MPPED1: variants seen among roughly 807,000 people sequenced by gnomAD.
MPPED1 encodes the protein metallophosphoesterase domain containing 1, also known as metallophosphoesterase domain-containing protein 1.
In MPPED1, 16 loss-of-function variants were observed where a neutral mutation model predicts 36.2. The ratio of observed to expected loss-of-function variants is 0.44; its 90% confidence interval spans 0.30 to 0.67. The LOEUF is 0.67. MPPED1 is among the 30% of genes least tolerant of loss of function. The probability of loss-of-function intolerance (pLI) is 0.10; values close to 1 mark genes in which losing one functional copy is unlikely to be tolerated. For synonymous variants in MPPED1, 199 were observed against 191.3 expected (o/e 1.04, Z -0.33); for missense variants, 307 against 453.4 (o/e 0.68, Z 2.93).
At position 43,471,071 on chromosome 22, in the gene MPPED1, GAGA is replaced by G. The variant is rs761019771; in HGVS notation, c.407-3658_407-3656del. Among the ~76,000 whole-genome samples the G allele has an allele frequency of 1.9e-4, 29 of 152,380 alleles. 1 individual carries two copies. The highest frequency in any genetic ancestry group is 1.2e-3 in the South Asian group (6 of 4,832). Reference sequence around the variant, plus strand: ...AGCCTCAGTCATCAGCTGCTGAGGTGAGAAGAAGAGGGGAGAGCTGACAGCTTC... The same window carrying G: ...AGCCTCAGTCATCAGCTGCTGAGGTGAGAAGAGGGGAGAGCTGACAGCTTC... On this transcript the variant is annotated intron_variant, in intron 3 of 6. Coordinates refer to ENST00000443721, the MANE Select transcript of MPPED1 (RefSeq NM_001044370.2).
At chr22:43,440,479 A>G (rs1197631284) in intron 3 of MPPED1, among the ~76,000 whole-genome samples, 1 of 152,182 alleles carries the variant, frequency 6.6e-6, no homozygotes, top group Non-Finnish European at 1.5e-5. Context: ...CTACAGAGGC[A>G]GCCACTGACC....
At chr22:43,480,967 G>A (rs1295838235) in intron 4 of MPPED1, among the ~76,000 whole-genome samples, 1 of 151,984 alleles carries the variant, frequency 6.6e-6, no homozygotes, top group Non-Finnish European at 1.5e-5. Context: ...TGGATTACAG[G>A]TAGCTGCCAT....
chr22:43,467,827 C>T (rs1173986607), intron 3 of MPPED1, among the ~76,000 whole-genome samples: 1 of 151,770 alleles, frequency 6.6e-6, no homozygotes, highest in African/African-American at 2.4e-5. Context: ...GGGCTCAATA[C>T]TTTGCTCCGG....
At chr22:43,448,141 G>A (rs1293476904) in intron 3 of MPPED1, among the ~76,000 whole-genome samples, 1 of 151,878 alleles carries the variant, frequency 6.6e-6, no homozygotes, top group Non-Finnish European at 1.5e-5. Flanking sequence ...CACCTGCCTT[G>A]GCCTCCCAAA....
intron 3 of MPPED1, among the ~76,000 whole-genome samples, chr22:43,447,883 A>ATATATATATATATAT (rs1321289636): frequency 1.7e-3 from 114 of 67,692 alleles, no homozygotes; most frequent in African/African-American, 2.0e-3. Flanking sequence ...ATATATATAT[A>ATATATATATATATAT]TTTTTTTTTT....
rs146617496 is a variant in MPPED1 at position 43,470,448 on chromosome 22, A to T, written c.407-4288A>T. Among the ~76,000 whole-genome samples the T allele has an allele frequency of 1.3e-3, 199 of 152,262 alleles. 3 individuals carry two copies. The highest frequency in any genetic ancestry group is 9.7e-3 in the East Asian group (50 of 5,180). On this transcript the variant is annotated intron_variant, in intron 3 of 6. Transcript: ENST00000443721. ...TCATCCATCCGTCCATCTATAAACC[A>T]TCCATCCATGTACCCATCCATCCAT...
intron 3 of MPPED1, among the ~76,000 whole-genome samples, chr22:43,443,094 A>G (rs908258653): frequency 1.3e-5 from 2 of 152,260 alleles, no homozygotes; most frequent in Admixed American, 6.5e-5. Flanking sequence ...AGAATTGATC[A>G]ATGCACAGGG....
At chr22:43,501,840 C>G (rs1932744217) in intron 5 of MPPED1, among the ~76,000 whole-genome samples, 2 of 152,048 alleles carry the variant, frequency 1.3e-5, no homozygotes, top group South Asian at 4.2e-4. Flanking sequence ...CTCCTCCTCC[C>G]TCATCTTTGT....
At chr22:43,489,217 G>C (rs1349270030) in intron 4 of MPPED1, among the ~76,000 whole-genome samples, 3 of 152,116 alleles carry the variant, frequency 2.0e-5, no homozygotes, top group African/African-American at 7.2e-5. Context: ...GGACCTCTTC[G>C]CACTTCGCCT....
chr22:43,452,685 A>T (rs757604585), intron 3 of MPPED1, among the ~76,000 whole-genome samples: 5 of 152,226 alleles, frequency 3.3e-5, no homozygotes, highest in Non-Finnish European at 5.9e-5. Context: ...GCTGGAGTGC[A>T]GTGGCATGAT....
intron 2 of MPPED1, among the ~76,000 whole-genome samples, chr22:43,434,624 G>A (rs767528115): frequency 7.2e-5 from 11 of 152,202 alleles, no homozygotes; most frequent in Non-Finnish European, 1.2e-4. Flanking sequence ...CTTCATGGGA[G>A]GGAAGTGAGT....
chr22:43,457,125 T>C (rs1930782487), intron 3 of MPPED1, among the ~76,000 whole-genome samples: 1 of 152,242 alleles, frequency 6.6e-6, no homozygotes. Flanking sequence ...CCTCCTAGAC[T>C]GAGCTGGAAA....
intron 3 of MPPED1, among the ~76,000 whole-genome samples, chr22:43,473,124 A>G (rs1008489592): frequency 6.6e-6 from 1 of 152,246 alleles, no homozygotes; most frequent in Admixed American, 6.5e-5. Flanking sequence ...GAATGCTCAC[A>G]CAGCGGAAGA....
At chr22:43,413,484 G>T (rs180753465) in intron 1 of MPPED1, among the ~76,000 whole-genome samples, 5 of 152,354 alleles carry the variant, frequency 3.3e-5, no homozygotes, top group Non-Finnish European at 2.9e-5. Context: ...CCAGATCTTG[G>T]TGTACAGGAG....
chr22:43,491,453 G>C (rs987921749), intron 4 of MPPED1, among the ~76,000 whole-genome samples: 2 of 151,896 alleles, frequency 1.3e-5, no homozygotes, highest in African/African-American at 2.4e-5. Flanking sequence ...TAGAGGAGGC[G>C]GTGGTGGTGA....
intron 3 of MPPED1, among the ~76,000 whole-genome samples, chr22:43,447,885 T>TATATA (rs1601966891): frequency 4.3e-3 from 107 of 25,048 alleles, no homozygotes; most frequent in African/African-American, 0.01. Context: ...ATATATATAT[T>TATATA]TTTTTTTTTT....
chr22:43,497,086 AGTG>A (rs1473165818), intron 4 of MPPED1, among the ~76,000 whole-genome samples: 3 of 87,018 alleles, frequency 3.4e-5, no homozygotes, highest in African/African-American at 1.4e-4. Flanking sequence ...TGGTGGAGGT[AGTG>A]GTGGCGGAGA....
chr22:43,426,392 G>T (rs915430556), intron 2 of MPPED1, among the ~76,000 whole-genome samples: 4 of 152,124 alleles, frequency 2.6e-5, no homozygotes, highest in Non-Finnish European at 5.9e-5. Flanking sequence ...GCACAGGGAG[G>T]GGGGAGCTAT....
intron 2 of MPPED1, among the ~76,000 whole-genome samples, chr22:43,427,272 G>A (rs1929510943): frequency 6.6e-6 from 1 of 152,216 alleles, no homozygotes; most frequent in Non-Finnish European, 1.5e-5. Context: ...GGCTGAGGAG[G>A]TGCTTCCCAG....
Sources: allele counts gnomAD v4.1 joint callset (sites outside exome capture counted in the v4.1 genomes callset), GRCh38; gene constraint gnomAD v4.1.1; transcripts MANE v1.5; gene names NCBI Gene and HGNC (gene_info 2026-07-23, HGNC 2026-07-21).